Variants in ZCCHC7 observed in about 807,000 individuals in gnomAD.
ZCCHC7 encodes zinc finger CCHC-type containing 7.
ZCCHC7 carries 35 observed loss-of-function variants against 52.0 expected under a neutral mutation model. That is an observed-to-expected ratio of 0.67 (90% CI 0.51 to 0.89). The LOEUF is 0.89. ZCCHC7 is among the 40% of genes least tolerant of loss of function. The pLI is 0.00. For synonymous variants in ZCCHC7, 217 were observed against 221.5 expected (o/e 0.98, Z 0.18); for missense variants, 574 against 649.1 (o/e 0.88, Z 1.26).
At chr9:37,214,054 T>C (rs934757999) in intron 2 of ZCCHC7, among the ~76,000 whole-genome samples, 1 of 151,804 alleles carries the variant, frequency 6.6e-6, no homozygotes, top group Non-Finnish European at 1.5e-5. Context: ...GACAAGAAAA[T>C]TAATTTCTAT....
intron 2 of ZCCHC7, among the ~76,000 whole-genome samples, chr9:37,248,275 A>C (rs908102696): frequency 7.9e-5 from 12 of 152,214 alleles, no homozygotes; most frequent in African/African-American, 2.9e-4. Flanking sequence ...CAGAAGGTAA[A>C]GTCAGTTTGT....
intron 2 of ZCCHC7, among the ~76,000 whole-genome samples, chr9:37,232,750 A>G (rs1257769148): frequency 6.6e-6 from 1 of 152,258 alleles, no homozygotes; most frequent in Non-Finnish European, 1.5e-5. Context: ...TTCATCACAT[A>G]CACATAAAGA....
intron 6 of ZCCHC7, among the ~76,000 whole-genome samples, chr9:37,342,378 G>A (rs548922383): frequency 2.0e-5 from 3 of 152,294 alleles, no homozygotes; most frequent in South Asian, 2.1e-4. Context: ...GTGCCTGTTC[G>A]ACATTCTAGT....
intron 2 of ZCCHC7, among the ~76,000 whole-genome samples, chr9:37,170,407 C>T (rs1166612436): frequency 1.3e-5 from 2 of 152,196 alleles, no homozygotes; most frequent in Admixed American, 6.5e-5. Flanking sequence ...GTTTCATTCT[C>T]ACATACCAAT....
intron 1 of ZCCHC7, chr9:37,121,517 T>C (rs907241284): frequency 1.3e-5 from 2 of 152,212 alleles, no homozygotes; most frequent in Non-Finnish European, 2.9e-5. Context: ...GAGAAATGAC[T>C]TCGTGTTTGA....
At chr9:37,328,779 C>G (rs1830345581) in intron 6 of ZCCHC7, among the ~76,000 whole-genome samples, 3 of 151,894 alleles carry the variant, frequency 2.0e-5, no homozygotes, top group Admixed American at 2.0e-4. Context: ...CTCAAACTAC[C>G]TGTCTGTCTG....
chr9:37,249,345 T>G (rs2133385988), intron 2 of ZCCHC7, among the ~76,000 whole-genome samples: 1 of 152,148 alleles, frequency 6.6e-6, no homozygotes, highest in African/African-American at 2.4e-5. Flanking sequence ...CAAACATAGT[T>G]TTTACCTCGT....
At chr9:37,122,084 C>T (rs1350796137) in intron 1 of ZCCHC7, among the ~76,000 whole-genome samples, 59 of 152,008 alleles carry the variant, frequency 3.9e-4, no homozygotes, top group African/African-American at 4.8e-5. Flanking sequence ...TTAAATCGGC[C>T]GGAGATGGAT....
At chr9:37,272,770 C>T (rs980333858) in intron 2 of ZCCHC7, among the ~76,000 whole-genome samples, 9 of 152,076 alleles carry the variant, frequency 5.9e-5, no homozygotes, top group African/African-American at 9.7e-5. Flanking sequence ...AGCACTATTC[C>T]GTACGTATTC....
chr9:37,349,488 G>A (rs1468328559), intron 7 of ZCCHC7, 36 bp downstream of exon 7: 1 of 1,583,116 alleles, frequency 6.3e-7, no homozygotes, highest in African/African-American at 1.4e-5. Flanking sequence ...GAAGCATTCT[G>A]TTGTCAGGGA....
At chr9:37,138,321 C>G (rs1418623831) in intron 2 of ZCCHC7, among the ~76,000 whole-genome samples, 2 of 152,070 alleles carry the variant, frequency 1.3e-5, no homozygotes, top group African/African-American at 4.8e-5. Context: ...ATGAAAATCT[C>G]ATTAGAAACC....
At chr9:37,150,497 G>A (rs1464625872) in intron 2 of ZCCHC7, among the ~76,000 whole-genome samples, 3 of 152,192 alleles carry the variant, frequency 2.0e-5, no homozygotes, top group Non-Finnish European at 2.9e-5. Flanking sequence ...TGCCCTTGAT[G>A]TATTCTGCAG....
intron 6 of ZCCHC7, among the ~76,000 whole-genome samples, chr9:37,348,060 G>A (rs1409926904): frequency 2.0e-5 from 3 of 152,056 alleles, no homozygotes; most frequent in Non-Finnish European, 4.4e-5. Context: ...TGGTGATCCT[G>A]TCCACTCTAG....
At chr9:37,132,896 T>C (rs963320014) in intron 2 of ZCCHC7, among the ~76,000 whole-genome samples, 2 of 152,192 alleles carry the variant, frequency 1.3e-5, no homozygotes, top group Non-Finnish European at 2.9e-5. Context: ...CCCGGCACTT[T>C]GGGAGGCCGA....
At chr9:37,321,450 G>A (rs906727651) in intron 5 of ZCCHC7, among the ~76,000 whole-genome samples, 9 of 152,036 alleles carry the variant, frequency 5.9e-5, no homozygotes, top group African/African-American at 2.2e-4. Flanking sequence ...TATAAGTAAA[G>A]TTCTAAACTT....
At chr9:37,222,328 A>AGTGTGTGTGTGT (rs74182938) in intron 2 of ZCCHC7, among the ~76,000 whole-genome samples, 49 of 133,092 alleles carry the variant, frequency 3.7e-4, no homozygotes, top group East Asian at 6.7e-4. Flanking sequence ...AGAATAACAG[A>AGTGTGTGTGTGT]GTGTGTGTGT....
chr9:37,136,202 A>G (rs1217924278), intron 2 of ZCCHC7, among the ~76,000 whole-genome samples: 1 of 152,206 alleles, frequency 6.6e-6, no homozygotes, highest in Non-Finnish European at 1.5e-5. Context: ...ACAGCTGTGC[A>G]GTTGGCCAAC....
intron 2 of ZCCHC7, among the ~76,000 whole-genome samples, chr9:37,230,475 C>A (rs879798603): frequency 3.0e-4 from 45 of 152,060 alleles, no homozygotes; most frequent in Non-Finnish European, 4.1e-4. Flanking sequence ...ACAGCAAGAT[C>A]TCACTTTTGT....
chr9:37,246,432 A>AT (rs1244885697), intron 2 of ZCCHC7, among the ~76,000 whole-genome samples: 1 of 152,098 alleles, frequency 6.6e-6, no homozygotes, highest in Non-Finnish European at 1.5e-5. Context: ...TATGATAATG[A>AT]TTTTGTTACC....
Sources: gnomAD v4.1 joint callset for allele counts (sites outside exome capture counted in the v4.1 genomes callset) on GRCh38, gnomAD v4.1.1 for gene constraint, MANE v1.5 for transcripts, NCBI Gene and HGNC (gene_info 2026-07-23, HGNC 2026-07-21) for gene names.